Variants in COQ9 observed in about 807,000 individuals in gnomAD.
The protein encoded by COQ9 is ubiquinone biosynthesis protein COQ9, mitochondrial.
COQ9 carries 35 observed loss-of-function variants against 42.4 expected under a neutral mutation model. The ratio of observed to expected loss-of-function variants is 0.83; its 90% CI spans 0.63 to 1.10. The LOEUF (loss-of-function observed/expected upper bound fraction) is 1.10, where lower values mean the gene tolerates loss of function less well. COQ9 is among the 50% of genes least tolerant of loss of function. The pLI is 0.00. For synonymous variants in COQ9, 155 were observed against 155.1 expected (o/e 1.00, Z 0.00); for missense variants, 406 against 414.6 (o/e 0.98, Z 0.18).
At chr16:57,459,914 T>C in intron 7 of COQ9, 137 bp from the exon 8 acceptor site, 1 of 1,014,340 alleles carries the variant, frequency 9.9e-7, no homozygotes, top group Non-Finnish European at 1.5e-6. Context: ...GATTGTGTTG[T>C]CCAAAGCTCT....
chr16:57,459,067 A>AGAGTAGTTTGCTAGAACAAT (rs1314047532), intron 6 of COQ9, among the ~76,000 whole-genome samples: 2 of 152,234 alleles, frequency 1.3e-5, no homozygotes, highest in African/African-American at 4.8e-5. Context: ...GGTCCTCTGA[A>AGAGTAGTTTGCTAGAACAAT]GAGTAGTTTG....
At chr16:57,456,462 A>G in intron 3 of COQ9, 42 bp from the exon 4 acceptor site, 3 of 1,612,196 alleles carry the variant, frequency 1.9e-6, no homozygotes, top group Non-Finnish European at 2.5e-6. Context: ...TGTACCCTAC[A>G]CTTGGGCACC....
intron 3 of COQ9, among the ~76,000 whole-genome samples, chr16:57,454,635 G>A (rs1175272892): frequency 1.3e-5 from 2 of 152,198 alleles, no homozygotes; most frequent in African/African-American, 4.8e-5. Context: ...TCCAGCCTGG[G>A]CAACAGAGTG....
At chr16:57,456,103 A>G (rs1034683584) in intron 3 of COQ9, among the ~76,000 whole-genome samples, 3 of 152,170 alleles carry the variant, frequency 2.0e-5, no homozygotes, top group Non-Finnish European at 2.9e-5. Context: ...TGAATTTACA[A>G]GAGAAAATAG....
chr16:57,455,164 C>T (rs574723790), intron 3 of COQ9, among the ~76,000 whole-genome samples: 20 of 151,772 alleles, frequency 1.3e-4, no homozygotes, highest in African/African-American at 4.8e-4. Context: ...ACCAGAGTTG[C>T]AAGTTTGCAT....
chr16:57,459,380 T>C (rs1215768709), intron 6 of COQ9, among the ~76,000 whole-genome samples, 185 bp from the exon 7 acceptor site: 1 of 152,202 alleles, frequency 6.6e-6, no homozygotes, highest in African/African-American at 2.4e-5. Context: ...GGAGCTTGCA[T>C]TTTTAATCAA....
Position 57,451,200 on chromosome 16 carries a change from A to AC in COQ9, c.240dup (p.Arg81GlnfsTer14). Reference sequence around the variant, plus strand: ...AACCTGATCCAGAGTCTTCTCATTCACCCCCCAGGTAGGCACCAATCCACC... The same window carrying AC: ...AACCTGATCCAGAGTCTTCTCATTCACCCCCCCAGGTAGGCACCAATCCACC... On this transcript the variant is annotated frameshift_variant, in exon 2 of 9. Transcript: ENST00000262507. LOFTEE classifies it high-confidence loss of function. The AC allele has an allele frequency of 1.9e-6, 3 of 1,613,448 alleles. No homozygotes were observed. Among genetic ancestry groups the AC allele is most frequent in the Non-Finnish European group, 1.7e-6 (2 of 1,179,850 alleles).
intron 6 of COQ9, among the ~76,000 whole-genome samples, chr16:57,458,790 C>T (rs1169477223): frequency 6.6e-6 from 1 of 152,192 alleles, no homozygotes; most frequent in Admixed American, 6.5e-5. Context: ...CAATAAGGCT[C>T]TTTAAACAGC....
At chr16:57,457,109 G>C (rs1448270237) in intron 5 of COQ9, 94 bp downstream of exon 5, 1 of 967,556 alleles carries the variant, frequency 1.0e-6, no homozygotes, top group Non-Finnish European at 1.7e-6. Context: ...ACACTGTTCA[G>C]AACTTAGCTT....
In COQ9 at chr16:57,456,490, C is replaced by T. The variant is rs1441491261; in HGVS notation, c.379-14C>T. ...TGGGCACCGCTTTTCTGTTTTCTGTCTCCCCTTTTGTAGTCTCTGGGTCTC... is the reference window on the plus strand; with the variant it reads ...TGGGCACCGCTTTTCTGTTTTCTGTTTCCCCTTTTGTAGTCTCTGGGTCTC... On this transcript the variant is annotated splice_polypyrimidine_tract_variant and intron_variant, in intron 3 of 8. Coordinates refer to ENST00000262507, the MANE Select transcript of COQ9 (RefSeq NM_020312.4). 6 of 1,614,056 alleles carry T rather than the reference C, an allele frequency of 3.7e-6. No individual in the cohort carries two copies. Among genetic ancestry groups the T allele is most frequent in the Non-Finnish European group, 4.2e-6 (5 of 1,180,016 alleles).
chr16:57,460,527 C>G (rs765534287), intron 8 of COQ9, 62 bp from the exon 9 acceptor site: 22 of 1,489,194 alleles, frequency 1.5e-5, no homozygotes, highest in Non-Finnish European at 2.0e-5. Context: ...TAGGTCTTTT[C>G]TATTAGAGTC....
intron 8 of COQ9, 58 bp downstream of exon 8, chr16:57,460,162 C>A: frequency 6.6e-7 from 1 of 1,521,432 alleles, no homozygotes; most frequent in Non-Finnish European, 9.1e-7. Context: ...CTCTGTGATA[C>A]ATGTGTTACT....
At chr16:57,459,533 A>G (rs755115451) in intron 6 of COQ9, 32 bp from the exon 7 acceptor site, 1 of 1,613,720 alleles carries the variant, frequency 6.2e-7, no homozygotes, top group Admixed American at 1.7e-5. Context: ...GACTTGCACC[A>G]GCCCACAGCG....
chr16:57,450,689 GT>G (rs1374457296), intron 1 of COQ9: 1 of 337,852 alleles, frequency 3.0e-6, no homozygotes, highest in Admixed American at 4.3e-5. Flanking sequence ...TTTACTTTTT[GT>G]TTGGGCCACA....
intron 3 of COQ9, among the ~76,000 whole-genome samples, chr16:57,455,389 C>T (rs1236028755): frequency 6.3e-5 from 9 of 141,788 alleles, no homozygotes; most frequent in African/African-American, 7.8e-5. Context: ...TATATATGCA[C>T]GCTGATTTTA....
intron 8 of COQ9, 79 bp from the exon 9 acceptor site, chr16:57,460,506 AAAAG>A: frequency 7.2e-7 from 1 of 1,380,600 alleles, no homozygotes; most frequent in South Asian, 1.2e-5. Flanking sequence ...AAAAAAGAGA[AAAAG>A]AAAAGCTAGG....
chr16:57,460,037 C>T lies in COQ9; in HGVS notation c.868-14C>T. The T allele has an allele frequency of 6.2e-7, 1 of 1,613,910 alleles. No homozygotes were observed. Among genetic ancestry groups the T allele is most frequent in the South Asian group, 1.1e-5 (1 of 91,072 alleles). On this transcript the variant is annotated splice_polypyrimidine_tract_variant and intron_variant, in intron 7 of 8. Transcript: ENST00000262507. ...GTTGGTGGCCTAAGGGAACCTGACA[C>T]TGACTCCTTCTAGGTAAAGTCCACA...
chr16:57,448,384 C>T (rs1180695731), intron 1 of COQ9, among the ~76,000 whole-genome samples: 1 of 151,024 alleles, frequency 6.6e-6, no homozygotes, highest in Non-Finnish European at 1.5e-5. Context: ...GCTCCTCAGC[C>T]TCCCAAGGAG....
rs759658215 is a variant in COQ9 at position 57,451,163 on chromosome 16, A to AG, written c.202dup (p.Ala68GlyfsTer5). ...TTTTCTCAGCAGCATTCTGAGACAC[A>AG]GGGGGCAGAAAAACCTGATCCAGAG... On this transcript the variant is annotated frameshift_variant, in exon 2 of 9. Transcript: ENST00000262507. LOFTEE classifies it high-confidence loss of function. The AG allele has an allele frequency of 4.7e-5, 76 of 1,614,026 alleles. No homozygotes were observed. The highest frequency in any genetic ancestry group is 5.3e-5 in the Non-Finnish European group (62 of 1,180,020).
Sources: gnomAD v4.1 joint callset for allele counts (sites outside exome capture counted in the v4.1 genomes callset) on GRCh38, gnomAD v4.1.1 for gene constraint, MANE v1.5 for transcripts, NCBI Gene and HGNC (gene_info 2026-07-23, HGNC 2026-07-21) for gene names.